PLXDC2: variants seen among roughly 807,000 people sequenced by gnomAD.
PLXDC2 encodes plexin domain-containing protein 2.
A neutral mutation model predicts 68.9 loss-of-function variants in PLXDC2; 40 were observed. The ratio of observed to expected loss-of-function variants is 0.58; its 90% CI spans 0.45 to 0.76. The LOEUF is 0.76. Ranked by LOEUF, PLXDC2 falls within the 30% of genes least tolerant of loss-of-function variation. PLXDC2 has a pLI of 0.00. For synonymous variants in PLXDC2, 243 were observed against 234.2 expected (o/e 1.04, Z -0.34); for missense variants, 644 against 661.9 (o/e 0.97, Z 0.30).
intron 4 of PLXDC2, among the ~76,000 whole-genome samples, chr10:20,129,451 A>C (rs1833835066): frequency 6.6e-6 from 1 of 151,574 alleles, no homozygotes; most frequent in Admixed American, 6.6e-5. Context: ...GTTTTCTTTA[A>C]AGGCTTTTCA....
At chr10:19,844,278 G>A (rs990998198) in intron 1 of PLXDC2, among the ~76,000 whole-genome samples, 1 of 152,150 alleles carries the variant, frequency 6.6e-6, no homozygotes, top group African/African-American at 2.4e-5. Context: ...AGTTTATTTT[G>A]TAAATTTGTT....
At chr10:20,011,265 T>A (rs1835109792) in intron 2 of PLXDC2, among the ~76,000 whole-genome samples, 1 of 152,122 alleles carries the variant, frequency 6.6e-6, no homozygotes, top group African/African-American at 2.4e-5. Flanking sequence ...GAGGCCTCCG[T>A]TCTCCTGGTG....
At chr10:20,008,942 C>T (rs1212049665) in intron 2 of PLXDC2, among the ~76,000 whole-genome samples, 2 of 152,172 alleles carry the variant, frequency 1.3e-5, no homozygotes, top group Admixed American at 1.3e-4. Context: ...AACTGTGAGT[C>T]CATTGAATCT....
intron 1 of PLXDC2, among the ~76,000 whole-genome samples, chr10:19,821,263 A>C (rs1836462075): frequency 6.6e-6 from 1 of 152,092 alleles, no homozygotes; most frequent in Non-Finnish European, 1.5e-5. Flanking sequence ...TGAGCTGCTG[A>C]AGTTCCCTGA....
At chr10:19,860,108 G>A (rs1401824631) in intron 1 of PLXDC2, among the ~76,000 whole-genome samples, 1 of 152,146 alleles carries the variant, frequency 6.6e-6, no homozygotes, top group Non-Finnish European at 1.5e-5. Flanking sequence ...TTATCTGAGG[G>A]TGAGTATAAT....
At chr10:20,070,651 A>T (rs1187138617) in intron 4 of PLXDC2, among the ~76,000 whole-genome samples, 1 of 152,202 alleles carries the variant, frequency 6.6e-6, no homozygotes, top group Non-Finnish European at 1.5e-5. Context: ...GTCATAAAAT[A>T]TAATAGAAAT....
At chr10:20,129,487 TTG>T (rs1833835816) in intron 4 of PLXDC2, among the ~76,000 whole-genome samples, 1 of 131,634 alleles carries the variant, frequency 7.6e-6, no homozygotes, top group South Asian at 2.3e-4. Flanking sequence ...ATTTGTCCAT[TTG>T]TGTTTTGTTT....
chr10:20,246,706 A>C (rs1244563962), intron 13 of PLXDC2, among the ~76,000 whole-genome samples: 1 of 152,220 alleles, frequency 6.6e-6, no homozygotes, highest in Non-Finnish European at 1.5e-5. Flanking sequence ...CCAACACCAG[A>C]TAGAACTAGA....
intron 1 of PLXDC2, among the ~76,000 whole-genome samples, chr10:19,986,736 C>G (rs571931856): frequency 7.6e-4 from 116 of 152,210 alleles, no homozygotes; most frequent in African/African-American, 2.6e-3. Flanking sequence ...TATCCACATG[C>G]CATTCCTTAT....
chr10:20,187,322 T>A (rs530096253), intron 9 of PLXDC2, among the ~76,000 whole-genome samples: 1 of 151,840 alleles, frequency 6.6e-6, no homozygotes, highest in Non-Finnish European at 1.5e-5. Flanking sequence ...TCAAAATTTC[T>A]TTTTTGTAGA....
chr10:20,101,146 T>C (rs527929208), intron 4 of PLXDC2, among the ~76,000 whole-genome samples: 1 of 152,298 alleles, frequency 6.6e-6, no homozygotes, highest in South Asian at 2.1e-4. Context: ...AGGGGTACAG[T>C]GGCTTCTAAA....
At chr10:20,266,917 A>G (rs541349396) in intron 13 of PLXDC2, among the ~76,000 whole-genome samples, 4 of 152,346 alleles carry the variant, frequency 2.6e-5, no homozygotes, top group African/African-American at 7.2e-5. Context: ...TGTAACTTCA[A>G]TAAACAAACA....
At chr10:19,991,293 A>G (rs1834746414) in intron 1 of PLXDC2, among the ~76,000 whole-genome samples, 1 of 141,356 alleles carries the variant, frequency 7.1e-6, no homozygotes, top group East Asian at 2.1e-4. Context: ...AATACCCAAT[A>G]TTTCTTTGTT....
intron 1 of PLXDC2, among the ~76,000 whole-genome samples, chr10:19,982,359 A>G (rs1223968634): frequency 1.3e-5 from 2 of 152,186 alleles, no homozygotes; most frequent in East Asian, 3.8e-4. Context: ...GTCTATTTGC[A>G]AGTCTAGTAT....
chr10:19,817,074 G>T lies in PLXDC2; in HGVS notation c.-6G>T, dbSNP rs1159394286. ...GCGGGTGGGGTAGGGAGGTGGCGGC[G>T]GCGGCATGGCGAGGTTCCCGAAGGC... On this transcript the variant is annotated 5_prime_UTR_variant, in exon 1 of 14. Transcript: ENST00000377252. The T allele has an allele frequency of 6.5e-7, 1 of 1,544,366 alleles. No homozygotes were observed. The highest frequency in any genetic ancestry group is 2.0e-5 in the Admixed American group (1 of 50,948).
chr10:20,070,681 G>A (rs1030137863), intron 4 of PLXDC2: 8 of 152,066 alleles, frequency 5.3e-5, no homozygotes, highest in Admixed American at 2.6e-4. Flanking sequence ...CTAAAATACC[G>A]ACATTAGGCA....
Position 20,016,531 on chromosome 10 carries a change from C to G in PLXDC2, c.324+14545C>G, listed in dbSNP as rs137917115. ...TTTTCGCACTCAAATTATCTGAGTA[C>G]CATTTTCTTCTGCAAAAGAATACAC... On this transcript the variant is annotated intron_variant, in intron 2 of 13. Transcript: ENST00000377252. Among the ~76,000 whole-genome samples, 801 of 152,258 alleles carry G rather than the reference C, an allele frequency of 5.3e-3. 6 individuals carry two copies. Among genetic ancestry groups the G allele is most frequent in the African/African-American group, 0.018 (758 of 41,544 alleles).
chr10:19,965,704 A>AAAAC (rs1426380441), intron 1 of PLXDC2, among the ~76,000 whole-genome samples: 1 of 122,204 alleles, frequency 8.2e-6, no homozygotes, highest in Non-Finnish European at 1.8e-5. Flanking sequence ...ATTTCTCTGG[A>AAAAC]AAACAGTTTT....
chr10:20,081,299 G>A (rs1429357695), intron 4 of PLXDC2, among the ~76,000 whole-genome samples: 1 of 152,046 alleles, frequency 6.6e-6, no homozygotes, highest in Non-Finnish European at 1.5e-5. Context: ...TAGGAAGCAG[G>A]GAGGGGGAAA....
Sources: gnomAD v4.1 joint callset for allele counts (sites outside exome capture counted in the v4.1 genomes callset) on GRCh38, gnomAD v4.1.1 for gene constraint, MANE v1.5 for transcripts, NCBI Gene and HGNC (gene_info 2026-07-23, HGNC 2026-07-21) for gene names.